Variants in HSPA4L observed in about 807,000 individuals in gnomAD.
HSPA4L encodes the protein heat shock protein family A (Hsp70) member 4 like.
In HSPA4L, 48 loss-of-function variants were observed where a neutral mutation model predicts 100.3. That is an observed-to-expected ratio of 0.48 (90% CI 0.38 to 0.61). The LOEUF is 0.61. Among genes scored for constraint, HSPA4L ranks in the 20% least tolerant of loss-of-function variants. The pLI is 0.00. For missense variants in HSPA4L, 886 were observed against 988.6 expected (o/e 0.90, Z 1.39); for synonymous variants, 319 against 328.2 (o/e 0.97, Z 0.30).
At chr4:127,812,935 A>C (rs1733578606) in intron 12 of HSPA4L, 2 of 827,466 alleles carry the variant, frequency 2.4e-6, no homozygotes, top group Admixed American at 3.7e-5. Flanking sequence ...ACGCACATTA[A>C]TTCTCTTGGC....
chr4:127,785,500 C>A (rs1467643748), intron 1 of HSPA4L, among the ~76,000 whole-genome samples: 1 of 151,712 alleles, frequency 6.6e-6, no homozygotes, highest in Middle Eastern at 3.4e-3. Flanking sequence ...TGCAGTGGCG[C>A]GTTTTCAGCT....
rs527504836 is a variant in HSPA4L, at chr4:127,830,204, G to A, written c.2167-434G>A. 2.0e-5 allele frequency among the ~76,000 whole-genome samples: 3 copies of A among 152,128 alleles called. No individual in the cohort carries two copies. The South Asian group carries it at 6.2e-4, about 32-fold the overall frequency. On this transcript the variant is annotated intron_variant, in intron 17 of 18. Coordinates refer to ENST00000296464, the MANE Select transcript of HSPA4L (RefSeq NM_014278.4). Reference sequence around the variant, plus strand: ...GACTACTTGGTTGTGTATTACATGTGACAGCTGCAGTTTCTCTTCTTCAGA... The same window carrying A: ...GACTACTTGGTTGTGTATTACATGTAACAGCTGCAGTTTCTCTTCTTCAGA...
At chr4:127,783,453 T>A (rs1405725249) in intron 1 of HSPA4L, 3 of 1,371,422 alleles carry the variant, frequency 2.2e-6, no homozygotes, top group Non-Finnish European at 2.8e-6. Flanking sequence ...GACTGTGGAG[T>A]GATTCTATTA....
In HSPA4L at chr4:127,805,217, C is replaced by T. The variant is rs763175283; in HGVS notation, c.1130C>T (p.Ala377Val). The T allele has an allele frequency of 1.1e-5, 17 of 1,604,294 alleles. No individual in the cohort carries two copies. Among genetic ancestry groups the T allele is most frequent in the Non-Finnish European group, 1.3e-5 (15 of 1,176,084 alleles). ...GATGAAGCTGTTGCAAGAGGATGTG[C>T]GTTACAGGTATAATTGTTATTTTAT... Reference protein sequence around the residue: ...NADEAVARGCALQCAILSPAF... With the variant: ...NADEAVARGCVLQCAILSPAF... Residue 377 changes from alanine (A) to valine (V), a missense_variant, in exon 9 of 19, where the codon GCG (alanine) becomes GTG (valine). Transcript: ENST00000296464.
intron 13 of HSPA4L, among the ~76,000 whole-genome samples, chr4:127,820,216 G>A (rs558592875): frequency 4.2e-4 from 64 of 151,974 alleles, no homozygotes; most frequent in African/African-American, 1.2e-3. Flanking sequence ...GTAGCTACTC[G>A]TCTTACTTTT....
chr4:127,819,451 T>C (rs1733753882), intron 13 of HSPA4L, among the ~76,000 whole-genome samples: 1 of 152,154 alleles, frequency 6.6e-6, no homozygotes, highest in African/African-American at 2.4e-5. Flanking sequence ...ACCTGGAAAC[T>C]TTTTTTCTGA....
Position 127,839,750 on chromosome 4 carries a change from ATGT to A in HSPA4L, c.*6880_*6882del, listed in dbSNP as rs1450823279. 6.6e-6 allele frequency: 1 copy of A among 152,102 alleles called. No homozygotes were observed. The highest frequency in any genetic ancestry group is 1.5e-5 in the Non-Finnish European group (1 of 68,008). The allele number at this position is 152,102 out of a possible 1,614,324, so 9.4% of individuals were successfully genotyped here. A position where few individuals can be genotyped will look rare whatever the true frequency, so the allele number is the denominator to read the frequency against. ...AAATCTAGGTAAAGGAAGCTTTAAA[ATGT>A]TGTATTTTTTCCCTGAAATAAACTT... On this transcript the variant is annotated 3_prime_UTR_variant, in exon 19 of 19. Transcript: ENST00000296464.
chr4:127,796,284 A>G (rs1170434269), intron 3 of HSPA4L, among the ~76,000 whole-genome samples: 2 of 152,184 alleles, frequency 1.3e-5, no homozygotes, highest in Admixed American at 6.5e-5. Context: ...GAAGAATCTT[A>G]TACTATAAAT....
chr4:127,787,141 GA>G (rs1273353159), intron 1 of HSPA4L, among the ~76,000 whole-genome samples: 16 of 152,154 alleles, frequency 1.1e-4, no homozygotes, highest in African/African-American at 3.6e-4. Context: ...GGAAATATGG[GA>G]AAATGCTGTT....
At chr4:127,782,062 G>C (rs1452202362), upstream of HSPA4L, 1 of 455,288 alleles carries the variant, frequency 2.2e-6, no homozygotes, top group South Asian at 1.6e-5. Context: ...GCAAGCCAAT[G>C]TGCCTAGCCT....
chr4:127,822,655 CTTATTTT>C, intron 14 of HSPA4L, 107 bp from the exon 15 acceptor site: 1 of 997,622 alleles, frequency 1.0e-6, no homozygotes, highest in East Asian at 2.6e-5. Context: ...CTCATGAATA[CTTATTTT>C]TTGTATTGTA....
intron 8 of HSPA4L, among the ~76,000 whole-genome samples, chr4:127,804,513 G>A (rs900182803): frequency 2.6e-4 from 39 of 151,942 alleles, no homozygotes; most frequent in African/African-American, 8.7e-4. Context: ...GGCTGAGGCC[G>A]GAGAATCACT....
chr4:127,784,346 G>C lies in HSPA4L; in HGVS notation c.107+1689G>C, dbSNP rs182663138. ...GGCTGAGAAATCTCTTTAGCAGTGA[G>C]TGAACCTGTGATTCTTTAAAGATCC... On this transcript the variant is annotated intron_variant, in intron 1 of 18. Transcript: ENST00000296464. Among the ~76,000 whole-genome samples the C allele has an allele frequency of 5.9e-5, 9 of 152,356 alleles. No individual in the cohort carries two copies. The East Asian group carries it at 1.5e-3, about 26-fold the overall frequency.
chr4:127,797,459 G>GTAAGTGCC (rs1386783760), intron 3 of HSPA4L, among the ~76,000 whole-genome samples: 1 of 152,048 alleles, frequency 6.6e-6, no homozygotes, highest in African/African-American at 2.4e-5. Context: ...TACATTCATA[G>GTAAGTGCC]TAAGTGCCTG....
chr4:127,831,501 T>TAAAAA (rs770152039), intron 18 of HSPA4L, among the ~76,000 whole-genome samples: 2 of 103,420 alleles, frequency 1.9e-5, no homozygotes, highest in Non-Finnish European at 1.9e-5. Flanking sequence ...CCTTGTCTAT[T>TAAAAA]AAAAAAAAAA....
intron 1 of HSPA4L, among the ~76,000 whole-genome samples, chr4:127,789,643 G>T (rs1405000109): frequency 9.4e-6 from 1 of 106,282 alleles, no homozygotes; most frequent in Non-Finnish European, 2.2e-5. Context: ...GCGAGATTCT[G>T]TCTCAAAAAA....
intron 16 of HSPA4L, 77 bp from the exon 17 acceptor site, chr4:127,827,228 A>G: frequency 8.6e-7 from 1 of 1,161,676 alleles, no homozygotes; most frequent in South Asian, 1.5e-5. Flanking sequence ...CCTATTTATC[A>G]TCCTATAAGG....
chr4:127,818,685 G>C (rs531024868), intron 13 of HSPA4L, among the ~76,000 whole-genome samples: 35 of 151,280 alleles, frequency 2.3e-4, no homozygotes, highest in South Asian at 6.3e-4. Context: ...CATCTCATGA[G>C]AACACACGGA....
chr4:127,783,442 T>C (rs1329168031), intron 1 of HSPA4L: 2 of 1,338,242 alleles, frequency 1.5e-6, no homozygotes, highest in African/African-American at 3.0e-5. Context: ...CGTATAAACA[T>C]GACTGTGGAG....
Sources: allele counts gnomAD v4.1 joint callset (sites outside exome capture counted in the v4.1 genomes callset), GRCh38; gene constraint gnomAD v4.1.1; transcripts MANE v1.5; gene names NCBI Gene and HGNC (gene_info 2026-07-23, HGNC 2026-07-21).